The following SHISA6 variants were observed in gnomAD, a reference collection of about 807,000 sequenced individuals.
SHISA6 encodes protein shisa-6.
SHISA6 carries 22 observed loss-of-function variants against 47.9 expected under a neutral mutation model. That is an observed-to-expected ratio of 0.46 (90% CI 0.33 to 0.66). The LOEUF (loss-of-function observed/expected upper bound fraction) is 0.66. Among genes scored for constraint, SHISA6 ranks in the 30% least tolerant of loss-of-function variants. The probability of loss-of-function intolerance (pLI) is 0.02; values close to 1 mark genes in which losing one functional copy is unlikely to be tolerated. For synonymous variants in SHISA6, 388 were observed against 337.8 expected, an observed-to-expected ratio of 1.15 and a Z score of -1.63; for missense variants, 680 against 764.6, an observed-to-expected ratio of 0.89 and a Z score of 1.30.
intron 2 of SHISA6, among the ~76,000 whole-genome samples, chr17:11,330,515 A>AG (rs201049267): frequency 2.0e-5 from 3 of 147,354 alleles, no homozygotes; most frequent in East Asian, 4.0e-4. Flanking sequence ...AGAGAGAGAG[A>AG]AGATTATAGA....
At chr17:11,291,003 TTAA>T (rs1203789185) in intron 2 of SHISA6, among the ~76,000 whole-genome samples, 3 of 150,948 alleles carry the variant, frequency 2.0e-5, no homozygotes, top group African/African-American at 2.4e-5. Context: ...TATTAATAAT[TTAA>T]TAATTTATTA....
At chr17:11,521,540 T>C (rs1384977249) in intron 3 of SHISA6, among the ~76,000 whole-genome samples, 2 of 152,112 alleles carry the variant, frequency 1.3e-5, no homozygotes, top group African/African-American at 4.8e-5. Flanking sequence ...TCTCAGCACT[T>C]TGGGAAGCCA....
intron 2 of SHISA6, among the ~76,000 whole-genome samples, chr17:11,311,623 T>C (rs570161584): frequency 6.6e-6 from 1 of 152,154 alleles, no homozygotes; most frequent in South Asian, 2.1e-4. Context: ...GTGTTTTATG[T>C]TTTTTAAATT....
intron 3 of SHISA6, among the ~76,000 whole-genome samples, chr17:11,537,489 C>G (rs1036998361): frequency 3.3e-4 from 50 of 152,026 alleles, no homozygotes; most frequent in Admixed American, 8.5e-4. Context: ...AGCCGAAGTG[C>G]CAAGTGTGGG....
intron 3 of SHISA6, among the ~76,000 whole-genome samples, chr17:11,472,838 G>A (rs974260323): frequency 1.3e-5 from 2 of 152,156 alleles, no homozygotes; most frequent in Non-Finnish European, 2.9e-5. Context: ...AGCATTTGGT[G>A]CTGTCACTGT....
chr17:11,380,582 C>G (rs1428339995), intron 3 of SHISA6: 8 of 152,218 alleles, frequency 5.3e-5, no homozygotes, highest in Non-Finnish European at 1.0e-4. Flanking sequence ...AGTCTATTAA[C>G]TCAAACCTGG....
chr17:11,374,667 A>T (rs996553286), intron 2 of SHISA6, among the ~76,000 whole-genome samples: 1 of 152,054 alleles, frequency 6.6e-6, no homozygotes, highest in African/African-American at 2.4e-5. Context: ...GAATCAAAAC[A>T]TCTTCATTCA....
At chr17:11,426,552 TG>T (rs1488925104) in intron 3 of SHISA6, among the ~76,000 whole-genome samples, 1 of 152,232 alleles carries the variant, frequency 6.6e-6, no homozygotes, top group Admixed American at 6.5e-5. Context: ...CAGACAACTT[TG>T]CCCAGAGCAC....
intron 2 of SHISA6, among the ~76,000 whole-genome samples, chr17:11,327,001 C>G (rs909666922): frequency 3.9e-5 from 6 of 152,188 alleles, no homozygotes; most frequent in African/African-American, 7.2e-5. Flanking sequence ...CTCTTGAACT[C>G]TGTGGACATG....
At chr17:11,374,646 G>A (rs1420140035) in intron 2 of SHISA6, among the ~76,000 whole-genome samples, 1 of 151,748 alleles carries the variant, frequency 6.6e-6, no homozygotes, top group African/African-American at 2.4e-5. Context: ...GAATTTTTAG[G>A]TAGAGGAATG....
chr17:11,495,618 TC>T (rs1255638712), intron 3 of SHISA6, among the ~76,000 whole-genome samples: 2 of 152,112 alleles, frequency 1.3e-5, no homozygotes, highest in East Asian at 3.9e-4. Flanking sequence ...TACCAGTCCA[TC>T]CCCTAGATAT....
chr17:11,297,430 C>G (rs1909789938), intron 2 of SHISA6, among the ~76,000 whole-genome samples: 1 of 152,178 alleles, frequency 6.6e-6, no homozygotes, highest in Non-Finnish European at 1.5e-5. Flanking sequence ...TTGGCCCCTT[C>G]ATACAGCTTG....
chr17:11,551,239 T>G (rs2071929551), intron 3 of SHISA6, among the ~76,000 whole-genome samples: 1 of 152,222 alleles, frequency 6.6e-6, no homozygotes, highest in Non-Finnish European at 1.5e-5. Context: ...GTTTGGCAAC[T>G]GTAACTGTGT....
Position 11,365,356 on chromosome 17 carries a change from C to A in SHISA6, c.800-14058C>A, listed in dbSNP as rs181127214. Among the ~76,000 whole-genome samples the A allele has an allele frequency of 3.8e-3, 585 of 152,230 alleles. 3 individuals carry two copies. Among genetic ancestry groups the A allele is most frequent in the Middle Eastern group, 6.8e-3 (2 of 294 alleles). The stretch of plus-strand genomic sequence containing the variant: ...GCAGTGGCACAATCTTGGCTCACTG[C>A]AACCTCTGCCTCCCAGATTCAAGCG... On this transcript the variant is annotated intron_variant, in intron 2 of 5. Transcript: ENST00000441885.
At chr17:11,547,882 T>G (rs1372438381) in intron 3 of SHISA6, among the ~76,000 whole-genome samples, 1 of 152,214 alleles carries the variant, frequency 6.6e-6, no homozygotes, top group Non-Finnish European at 1.5e-5. Flanking sequence ...ATTTTAGTTT[T>G]AAGCTAAGGA....
At chr17:11,532,593 C>G (rs1327747360) in intron 3 of SHISA6, among the ~76,000 whole-genome samples, 1 of 152,210 alleles carries the variant, frequency 6.6e-6, no homozygotes, top group Non-Finnish European at 1.5e-5. Flanking sequence ...GTGAGCGTTT[C>G]AGTTTAAGCA....
chr17:11,404,666 A>G (rs1440331261), intron 3 of SHISA6, among the ~76,000 whole-genome samples: 1 of 152,166 alleles, frequency 6.6e-6, no homozygotes, highest in Non-Finnish European at 1.5e-5. Flanking sequence ...GAATGGAAGA[A>G]CGCCCAAGCA....
chr17:11,488,388 T>G (rs1472372016), intron 3 of SHISA6, among the ~76,000 whole-genome samples: 5 of 152,150 alleles, frequency 3.3e-5, no homozygotes, highest in African/African-American at 1.2e-4. Context: ...CAGTAAAGAT[T>G]AGAATTACTA....
chr17:11,408,198 T>G (rs1468009684), intron 3 of SHISA6, among the ~76,000 whole-genome samples: 1 of 152,216 alleles, frequency 6.6e-6, no homozygotes, highest in Non-Finnish European at 1.5e-5. Context: ...TTCTATGTTC[T>G]CACTCCTCCT....
Sources: allele counts gnomAD v4.1 joint callset (sites outside exome capture counted in the v4.1 genomes callset), GRCh38; gene constraint gnomAD v4.1.1; transcripts MANE v1.5; gene names NCBI Gene and HGNC (gene_info 2026-07-23, HGNC 2026-07-21).